Variants in NIBAN2 observed in about 807,000 individuals in gnomAD.
The protein encoded by NIBAN2 is protein Niban 2.
NIBAN2 carries 36 observed loss-of-function variants against 81.8 expected under a neutral mutation model. That is an observed-to-expected ratio of 0.44 (90% CI 0.34 to 0.58). The LOEUF is 0.58. Ranked by LOEUF, NIBAN2 falls within the 20% of genes least tolerant of loss-of-function variation. The probability of loss-of-function intolerance (pLI) is 0.02; values close to 1 mark genes in which losing one functional copy is unlikely to be tolerated. For missense variants in NIBAN2, 897 were observed against 1,014.1 expected (o/e 0.88, Z 1.57); for synonymous variants, 445 against 441.6 (o/e 1.01, Z -0.10).
upstream of NIBAN2, chr9:127,569,235 G>A: frequency 9.3e-6 from 3 of 324,132 alleles, no homozygotes; most frequent in South Asian, 1.3e-4. Flanking sequence ...ACCCCCCTGC[G>A]CCCCACCCAG....
chr9:127,516,392 A>ATATACCCCATCACTACT (rs1836829894), intron 8 of NIBAN2, among the ~76,000 whole-genome samples: 1 of 151,914 alleles, frequency 6.6e-6, no homozygotes, highest in Non-Finnish European at 1.5e-5. Context: ...TAAATACACA[A>ATATACCCCATCACTACT]AAGTTAGCCG....
chr9:127,569,203 C>T, upstream of NIBAN2: 1 of 541,160 alleles, frequency 1.8e-6, no homozygotes, highest in Non-Finnish European at 2.3e-6. Flanking sequence ...CCCGCCCCGC[C>T]CCGCCCCGCC....
Position 127,508,990 on chromosome 9 carries a change from T to G in NIBAN2, c.1303A>C (p.Ile435Leu). ...STSVFKQRAQ[I>L]HMREQMDNAV... The stretch of plus-strand genomic sequence containing the variant: ...CTCGGGTCTACCTCCCGCATGTGGA[T>G]CTGGGCTCGCTGCTTGAACACGGAC... The change falls in exon 10 of 14, where the codon ATC (isoleucine) becomes CTC (leucine). Residue 435 changes from isoleucine (I) to leucine (L), a missense_variant. By Grantham distance (5) the Ile-to-Leu change is conservative. Transcript: ENST00000373312. The surrounding 1 kb of genome is among the most constrained non-coding windows in gnomAD (Gnocchi z 6.4). 6.2e-7 allele frequency: 1 copy of G among 1,613,804 alleles called. No homozygotes were observed. The highest frequency in any genetic ancestry group is 8.5e-7 in the Non-Finnish European group (1 of 1,179,988).
chr9:127,516,999 G>A lies in NIBAN2; in HGVS notation c.831C>T (p.His277=), dbSNP rs775395342. The A allele has an allele frequency of 1.2e-6, 2 of 1,613,860 alleles. No individual in the cohort carries two copies. Among genetic ancestry groups the A allele is most frequent in the Non-Finnish European group, 1.7e-6 (2 of 1,179,912 alleles). ...GCGCCTTGGCCTGCTCGTACACCATGTGGTACACGGCGTCCGAGATCTGTG... is the reference window on the plus strand; with the variant it reads ...GCGCCTTGGCCTGCTCGTACACCATATGGTACACGGCGTCCGAGATCTGTG... ...QWIQISDAVY[H]MVYEQAKARF... Residue 277 remains histidine (H), a synonymous_variant, in exon 8 of 14, where the codon CAC becomes CAT. Transcript: ENST00000373312.
chr9:127,577,773 T>G (rs958762196), intron 1 of NIBAN2, among the ~76,000 whole-genome samples: 1 of 152,160 alleles, frequency 6.6e-6, no homozygotes, highest in Admixed American at 6.5e-5. Context: ...TGGAGTGCAG[T>G]GAGTTGATCA....
chr9:127,535,817 G>A (rs75232485), intron 1 of NIBAN2, among the ~76,000 whole-genome samples: 13,675 of 151,830 alleles, frequency 0.09, 1,164 homozygotes, highest in Non-Finnish European at 0.12. Flanking sequence ...ACCAGGCCTG[G>A]CACAAGCAGA....
chr9:127,525,993 C>A (rs986653746), intron 3 of NIBAN2, among the ~76,000 whole-genome samples: 1 of 152,184 alleles, frequency 6.6e-6, no homozygotes, highest in African/African-American at 2.4e-5. Context: ...CTACTCCCTG[C>A]CACTAGGTGT....
chr9:127,574,865 C>T (rs896310672), intron 1 of NIBAN2, among the ~76,000 whole-genome samples: 2 of 152,176 alleles, frequency 1.3e-5, no homozygotes, highest in East Asian at 1.9e-4. Context: ...CAGCCTGTTC[C>T]GTCTGTCACC....
chr9:127,567,381 A>G (rs1819590389), intron 1 of NIBAN2, among the ~76,000 whole-genome samples: 1 of 152,120 alleles, frequency 6.6e-6, no homozygotes, highest in Non-Finnish European at 1.5e-5. Flanking sequence ...TCGGATAAGG[A>G]GGCTTTCCAG....
chr9:127,543,390 C>T (rs775918036), intron 1 of NIBAN2, among the ~76,000 whole-genome samples: 6 of 152,106 alleles, frequency 3.9e-5, no homozygotes, highest in Non-Finnish European at 5.9e-5. Context: ...CCAGGTCAGC[C>T]GGCTGTCAAG....
At chr9:127,553,377 G>T (rs1837612331) in intron 1 of NIBAN2, among the ~76,000 whole-genome samples, 1 of 152,342 alleles carries the variant, frequency 6.6e-6, no homozygotes, top group East Asian at 1.9e-4. Context: ...TGGCCATCAA[G>T]TTCAGGCTGC....
At chr9:127,554,561 T>A (rs1837633655) in intron 1 of NIBAN2, among the ~76,000 whole-genome samples, 1 of 145,010 alleles carries the variant, frequency 6.9e-6, no homozygotes, top group Non-Finnish European at 1.5e-5. Context: ...TTTTTTTTTT[T>A]TTTTTTTTTT....
chr9:127,576,285 G>C (rs1192405464), intron 1 of NIBAN2, among the ~76,000 whole-genome samples: 1 of 151,904 alleles, frequency 6.6e-6, no homozygotes, highest in Non-Finnish European at 1.5e-5. Context: ...GGGGTACAAA[G>C]TCCCTTCTAT....
In NIBAN2 at chr9:127,559,695, T is replaced by A. The variant is rs1489584254; in HGVS notation, c.55+9125A>T. ...CAGGTGGGAAAGTGGGGTCTGCACT[T>A]TGCAAACCACAGTTCATTCTTCCTC... is the stretch of plus-strand genomic sequence containing the variant. On this transcript the variant is annotated intron_variant, in intron 1 of 13. Transcript: ENST00000373312. This position sits in a 1 kb window ranked among gnomAD's most constrained non-coding sequence, Gnocchi z 4.0. Among the ~76,000 whole-genome samples the A allele has an allele frequency of 1.3e-5, 2 of 152,176 alleles. No homozygotes were observed. Among genetic ancestry groups the A allele is most frequent in the African/African-American group, 4.8e-5 (2 of 41,428 alleles).
At chr9:127,569,105 G>T (rs533712415), upstream of NIBAN2, 3 of 884,710 alleles carry the variant, frequency 3.4e-6, no homozygotes, top group South Asian at 5.6e-5. Flanking sequence ...CCTGCACCCC[G>T]GCGCCCCGCT....
intron 1 of NIBAN2, among the ~76,000 whole-genome samples, chr9:127,566,207 T>C (rs184803556): frequency 2.9e-4 from 44 of 152,170 alleles, no homozygotes; most frequent in Admixed American, 2.2e-3. Flanking sequence ...TGGGGGAGAT[T>C]TGTGGGGAAA....
rs1837811641 is a variant in NIBAN2 at position 127,563,670 on chromosome 9, G to A, written c.55+5150C>T. 6.6e-6 allele frequency among the ~76,000 whole-genome samples: 1 copy of A among 151,984 alleles called. No individual in the cohort carries two copies. Among genetic ancestry groups the A allele is most frequent in the African/African-American group, 2.4e-5 (1 of 41,386 alleles). On this transcript the variant is annotated intron_variant, in intron 1 of 13. Transcript: ENST00000373312. This position sits in a 1 kb window ranked among gnomAD's most constrained non-coding sequence, Gnocchi z 4.1. ...CCCAAGTAGCTGGGACTACAGGCACGCACCACCAGGCCCGGCTAATTTTTT... is the reference window on the plus strand; with the variant it reads ...CCCAAGTAGCTGGGACTACAGGCACACACCACCAGGCCCGGCTAATTTTTT...
intron 1 of NIBAN2, among the ~76,000 whole-genome samples, chr9:127,558,684 T>C (rs1837719378): frequency 6.6e-6 from 1 of 152,112 alleles, no homozygotes; most frequent in Non-Finnish European, 1.5e-5. Context: ...CTCTCTTTTC[T>C]ACCCTTCGCC....
intron 5 of NIBAN2, among the ~76,000 whole-genome samples, chr9:127,519,174 CAAAAAAAAAAAA>C (rs398046914): frequency 1.0e-4 from 4 of 39,314 alleles, no homozygotes; most frequent in Admixed American, 9.6e-4. Context: ...GACTCTGTCT[CAAAAAAAAAAAA>C]AAAAAAAAAA....
Sources: gnomAD v4.1 joint callset for allele counts (sites outside exome capture counted in the v4.1 genomes callset) on GRCh38, gnomAD v4.1.1 for gene constraint, Gnocchi (gnomAD v3.1) non-coding constraint, MANE v1.5 for transcripts, NCBI Gene and HGNC (gene_info 2026-07-23, HGNC 2026-07-21) for gene names.